ZNF718: variants seen among roughly 807,000 people sequenced by gnomAD.
The protein encoded by ZNF718 is zinc finger protein 718.
ZNF718 carries 3 observed loss-of-function variants against 2.6 expected under a neutral mutation model. The ratio of observed to expected loss-of-function variants is 1.16; its 90% CI spans 0.53 to 3.01. The LOEUF (loss-of-function observed/expected upper bound fraction) is 3.01, where lower values mean the gene tolerates loss of function less well. ZNF718 is among the 30% of genes most tolerant of loss of function. ZNF718 has a pLI of 0.03. For synonymous variants in ZNF718, 135 were observed against 77.9 expected (o/e 1.73, Z -3.86); for missense variants, 468 against 230.0 (o/e 2.03, Z -6.69).
At chr4:152,770 T>C (rs150096691) in intron 3 of ZNF718, among the ~76,000 whole-genome samples, 2 of 152,226 alleles carry the variant, frequency 1.3e-5, no homozygotes, top group African/African-American at 2.4e-5. Flanking sequence ...TGATATTTTA[T>C]TGTGGTTTTT....
intron 3 of ZNF718, among the ~76,000 whole-genome samples, chr4:154,287 A>C (rs1553813186): frequency 6.6e-6 from 1 of 152,168 alleles, no homozygotes; most frequent in Non-Finnish European, 1.5e-5. Context: ...CTTCTGCAGT[A>C]AATTGGTACC....
chr4:167,674 C>T (rs577089944), downstream of ZNF718, among the ~76,000 whole-genome samples: 11 of 152,092 alleles, frequency 7.2e-5, no homozygotes, highest in African/African-American at 1.2e-4. Flanking sequence ...TGTATAAGAA[C>T]GCTTGGGATT....
At chr4:160,808 C>T (rs571194134) in intron 3 of ZNF718, 104 bp from the exon 4 acceptor site, 22 of 641,696 alleles carry the variant, frequency 3.4e-5, no homozygotes, top group African/African-American at 9.1e-5. Flanking sequence ...ACCTTGGCCT[C>T]GGAAACTGCT....
chr4:152,568 C>T (rs1322474208), intron 3 of ZNF718, among the ~76,000 whole-genome samples: 4 of 151,294 alleles, frequency 2.6e-5, no homozygotes, highest in Admixed American at 6.6e-5. Context: ...TCAGAGAGCA[C>T]GGGGTTGGGG....
At chr4:199,025 C>T (rs1717846676) in intron 3 of ZNF718, among the ~76,000 whole-genome samples, 1 of 152,214 alleles carries the variant, frequency 6.6e-6, no homozygotes, top group Admixed American at 6.5e-5. Context: ...CACCCAGAGT[C>T]TGTGTACTTA....
intron 3 of ZNF718, among the ~76,000 whole-genome samples, chr4:155,265 C>T (rs548634984): frequency 1.1e-4 from 17 of 152,304 alleles, no homozygotes; most frequent in South Asian, 8.3e-4. Context: ...CCCACTGGGG[C>T]ACTGCCTAGT....
At chr4:173,594 A>T (rs1364075957) in intron 3 of ZNF718, among the ~76,000 whole-genome samples, 1 of 152,204 alleles carries the variant, frequency 6.6e-6, no homozygotes, top group African/African-American at 2.4e-5. Context: ...CCATCTGAAA[A>T]GAAAAAGGAA....
intron 3 of ZNF718, among the ~76,000 whole-genome samples, chr4:186,396 C>G (rs1246658358): frequency 1.3e-5 from 2 of 152,076 alleles, no homozygotes; most frequent in Non-Finnish European, 2.9e-5. Flanking sequence ...CCTGACCATT[C>G]TCTCTGGCTG....
At chr4:124,980 A>G (rs373309042) in intron 1 of ZNF718, 4 of 347,972 alleles carry the variant, frequency 1.1e-5, no homozygotes, top group Non-Finnish European at 2.2e-5. Flanking sequence ...TGTGGTCCGG[A>G]ATCCCGTCCC....
intron 3 of ZNF718, among the ~76,000 whole-genome samples, chr4:148,699 C>G (rs1387858684): frequency 2.0e-5 from 3 of 151,400 alleles, no homozygotes; most frequent in African/African-American, 4.9e-5. Context: ...CTGTGGGTCT[C>G]TGTGTGTGCA....
chr4:195,678 G>A (rs911731007), intron 3 of ZNF718, among the ~76,000 whole-genome samples: 8 of 152,010 alleles, frequency 5.3e-5, no homozygotes, highest in Non-Finnish European at 1.0e-4. Context: ...TCTTCTGTTA[G>A]CAAAGCAGTT....
At position 162,788 on chromosome 4, in the gene ZNF718, T is replaced by G. The variant is rs1158286250; in HGVS notation, c.*666T>G. 1 of 152,138 alleles carries G rather than the reference T, an allele frequency of 6.6e-6. No homozygotes were observed. Among genetic ancestry groups the G allele is most frequent in the Non-Finnish European group, 1.5e-5 (1 of 68,010 alleles). The allele number at this position is 152,138 out of a possible 1,614,324, so 9.4% of individuals were successfully genotyped here. A position where few individuals can be genotyped will look rare whatever the true frequency, so the allele number is the denominator to read the frequency against. ...AAAGCATTTGTTCAAAAACTATAGC[T>G]TAAAAAAAACCAGTTTATACTAGAA... is the stretch of plus-strand genomic sequence containing the variant. On this transcript the variant is annotated 3_prime_UTR_variant, in exon 4 of 4. Transcript: ENST00000510175.
chr4:164,185 C>T (rs904928976), downstream of ZNF718, among the ~76,000 whole-genome samples: 11 of 152,078 alleles, frequency 7.2e-5, no homozygotes, highest in South Asian at 1.7e-3. Context: ...CATCTGGCAT[C>T]TCTTCTGGCA....
At chr4:143,948 C>G (rs1326413100) in intron 3 of ZNF718, among the ~76,000 whole-genome samples, 2 of 152,162 alleles carry the variant, frequency 1.3e-5, no homozygotes, top group African/African-American at 4.8e-5. Context: ...ATGGGGATCA[C>G]ATCTCTCGGG....
intron 3 of ZNF718, among the ~76,000 whole-genome samples, chr4:171,810 G>A (rs371979553): frequency 4.6e-5 from 7 of 152,274 alleles, no homozygotes; most frequent in African/African-American, 1.2e-4. Flanking sequence ...GCAATGCCTC[G>A]CCCTGCTTCA....
chr4:148,494 G>A (rs1027332780), intron 3 of ZNF718, among the ~76,000 whole-genome samples: 4 of 151,404 alleles, frequency 2.6e-5, no homozygotes, highest in African/African-American at 7.3e-5. Context: ...CTGTAATCCC[G>A]CTTACTCAGG....
At chr4:195,746 T>A (rs879997983) in intron 3 of ZNF718, among the ~76,000 whole-genome samples, 1 of 152,158 alleles carries the variant, frequency 6.6e-6, no homozygotes, top group Middle Eastern at 3.2e-3. Flanking sequence ...AAGAATTTTT[T>A]ATAGGAAGTC....
intron 3 of ZNF718, among the ~76,000 whole-genome samples, chr4:153,418 A>T (rs1716423619): frequency 6.6e-6 from 1 of 152,112 alleles, no homozygotes; most frequent in African/African-American, 2.4e-5. Context: ...GTTCCCTATA[A>T]CGTTTAAGCT....
intron 3 of ZNF718, among the ~76,000 whole-genome samples, chr4:137,840 A>G (rs1715639755): frequency 6.6e-6 from 1 of 151,984 alleles, no homozygotes; most frequent in South Asian, 2.1e-4. Context: ...GTGTTTTTAA[A>G]TTTGTTACTC....
Sources: allele counts gnomAD v4.1 joint callset (sites outside exome capture counted in the v4.1 genomes callset), GRCh38; gene constraint gnomAD v4.1.1; transcripts MANE v1.5; gene names NCBI Gene and HGNC (gene_info 2026-07-23, HGNC 2026-07-21).